Variants in RBFOX1 observed in about 807,000 individuals in gnomAD.
RBFOX1 encodes RNA binding protein fox-1 homolog 1.
A neutral mutation model predicts 57.7 loss-of-function variants in RBFOX1; 8 were observed. The ratio of observed to expected loss-of-function variants is 0.14; its 90% CI spans 0.08 to 0.25. RBFOX1 has a LOEUF of 0.25. Ranked by LOEUF, RBFOX1 falls within the 10% of genes least tolerant of loss-of-function variation. The pLI is 1.00. For synonymous variants in RBFOX1, 326 were observed against 222.4 expected (o/e 1.47, Z -4.15); for missense variants, 611 against 548.5 (o/e 1.11, Z -1.14).
At chr16:6,981,604 G>A (rs1224428433) in intron 3 of RBFOX1, among the ~76,000 whole-genome samples, 1 of 152,194 alleles carries the variant, frequency 6.6e-6, no homozygotes. Context: ...TCACAGTCAT[G>A]ATGGGAGGCA....
At chr16:6,793,423 T>C (rs775864571) in intron 3 of RBFOX1, among the ~76,000 whole-genome samples, 100 of 152,198 alleles carry the variant, frequency 6.6e-4, no homozygotes, top group Non-Finnish European at 4.1e-4. Context: ...TACCTGTTCG[T>C]AATACAGAAT....
intron 1 of RBFOX1, among the ~76,000 whole-genome samples, chr16:5,464,968 G>A (rs939391397): frequency 2.0e-5 from 3 of 152,158 alleles, no homozygotes; most frequent in African/African-American, 7.2e-5. Flanking sequence ...ACCCACCTGA[G>A]CTGACACAGG....
At chr16:6,784,367 C>A (rs1164846251) in intron 3 of RBFOX1, among the ~76,000 whole-genome samples, 1 of 152,140 alleles carries the variant, frequency 6.6e-6, no homozygotes, top group South Asian at 2.1e-4. Context: ...CTCACTGATT[C>A]TTTCTTCTGC....
At chr16:6,452,507 A>C (rs563039156) in intron 2 of RBFOX1, among the ~76,000 whole-genome samples, 1 of 152,114 alleles carries the variant, frequency 6.6e-6, no homozygotes. Flanking sequence ...GTAGGCAAAA[A>C]CTCATGGAGA....
intron 3 of RBFOX1, among the ~76,000 whole-genome samples, chr16:6,884,677 C>T (rs1381191331): frequency 6.6e-6 from 1 of 152,062 alleles, no homozygotes; most frequent in African/African-American, 2.4e-5. Flanking sequence ...GGTGGTGGAT[C>T]ACTTGAGGCC....
chr16:7,353,904 A>G (rs1049951771), intron 4 of RBFOX1, among the ~76,000 whole-genome samples: 1 of 152,210 alleles, frequency 6.6e-6, no homozygotes, highest in Non-Finnish European at 1.5e-5. Flanking sequence ...TTGTACAACT[A>G]TCACCACTTT....
At chr16:6,372,381 T>G (rs1462729954) in intron 2 of RBFOX1, among the ~76,000 whole-genome samples, 1 of 151,288 alleles carries the variant, frequency 6.6e-6, no homozygotes, top group Non-Finnish European at 1.5e-5. Context: ...TTAGGATCTT[T>G]GGGTAGGAGG....
At chr16:6,851,187 T>G (rs1329649672) in intron 3 of RBFOX1, among the ~76,000 whole-genome samples, 6 of 152,202 alleles carry the variant, frequency 3.9e-5, no homozygotes, top group African/African-American at 1.4e-4. Context: ...ATCTAAAGGT[T>G]ACATACAAAA....
chr16:7,470,131 G>A (rs2061301267), intron 4 of RBFOX1, among the ~76,000 whole-genome samples: 1 of 151,384 alleles, frequency 6.6e-6, no homozygotes, highest in African/African-American at 2.4e-5. Flanking sequence ...TTTGATTAGT[G>A]CAAATAATGT....
At chr16:6,511,700 T>C (rs1229442779) in intron 2 of RBFOX1, among the ~76,000 whole-genome samples, 4 of 152,184 alleles carry the variant, frequency 2.6e-5, no homozygotes, top group African/African-American at 9.7e-5. Flanking sequence ...GCTGTGGTGA[T>C]AGTAATTTGC....
chr16:6,856,373 A>G (rs922898211), intron 3 of RBFOX1, among the ~76,000 whole-genome samples: 4 of 152,098 alleles, frequency 2.6e-5, no homozygotes, highest in African/African-American at 4.8e-5. Context: ...TGAGTAGACT[A>G]TGTCTCCTTG....
chr16:5,462,503 T>G (rs960279566), intron 1 of RBFOX1, among the ~76,000 whole-genome samples: 1 of 152,138 alleles, frequency 6.6e-6, no homozygotes. Context: ...ATGGAACACC[T>G]GTGTGTTTTA....
At chr16:5,913,393 T>TG (rs1329513956) in intron 4 of RBFOX1, among the ~76,000 whole-genome samples, 2 of 152,158 alleles carry the variant, frequency 1.3e-5, no homozygotes, top group African/African-American at 4.8e-5. Flanking sequence ...GTTTGGGTGA[T>TG]GGGGGGCAGT....
intron 3 of RBFOX1, among the ~76,000 whole-genome samples, chr16:6,671,609 C>G (rs929110565): frequency 4.6e-5 from 7 of 152,122 alleles, no homozygotes; most frequent in African/African-American, 1.7e-4. Flanking sequence ...CTATCCCTCA[C>G]CTGCTCCCCA....
chr16:7,436,630 A>G lies in RBFOX1; in HGVS notation c.28-81517A>G, dbSNP rs186022570. The stretch of plus-strand genomic sequence containing the variant: ...GCGCTGGGTTAACTCTTTCTTTGCT[A>G]TCAGGCATTTGCGGAGGATCACTCA... On this transcript the variant is annotated intron_variant, in intron 4 of 15. Coordinates refer to ENST00000550418, the MANE Select transcript of RBFOX1 (RefSeq NM_018723.4). 1.2e-3 allele frequency among the ~76,000 whole-genome samples: 176 copies of G among 152,358 alleles called. 1 individual carries two copies. The highest frequency in any genetic ancestry group is 3.8e-3 in the African/African-American group (156 of 41,582).
At chr16:7,210,684 T>C (rs551402941) in intron 4 of RBFOX1, among the ~76,000 whole-genome samples, 4 of 152,194 alleles carry the variant, frequency 2.6e-5, no homozygotes, top group African/African-American at 9.6e-5. Flanking sequence ...AGTTCTTACA[T>C]GTGTTTTCTA....
intron 4 of RBFOX1, among the ~76,000 whole-genome samples, chr16:5,901,037 G>T (rs2058293671): frequency 1.3e-5 from 2 of 152,274 alleles, no homozygotes; most frequent in South Asian, 4.1e-4. Context: ...AGAGATACCT[G>T]CCTCCTCTCC....
intron 14 of RBFOX1, among the ~76,000 whole-genome samples, chr16:7,681,559 A>C (rs2074756896): frequency 6.6e-6 from 1 of 152,142 alleles, no homozygotes. Context: ...TTTTAATTGG[A>C]GTTCTTATCC....
rs115094998 is a variant in RBFOX1 at position 6,815,161 on chromosome 16, C to T, written c.-16+160511C>T. Among the ~76,000 whole-genome samples, 547 of 152,196 alleles carry T rather than the reference C, an allele frequency of 3.6e-3. 4 individuals are homozygous for T. The highest frequency in any genetic ancestry group is 0.012 in the African/African-American group (494 of 41,524). On this transcript the variant is annotated intron_variant, in intron 3 of 15. Transcript: ENST00000550418. ...CTACAGCATTTGTAAACTGTCATGG[C>T]GCTGGTGAGAGTGCTGTTGAGCATG...
Sources: allele counts gnomAD v4.1 joint callset (sites outside exome capture counted in the v4.1 genomes callset), GRCh38; gene constraint gnomAD v4.1.1; transcripts MANE v1.5; gene names NCBI Gene and HGNC (gene_info 2026-07-23, HGNC 2026-07-21).